The following NSD2 variants were observed in gnomAD, a reference collection of about 807,000 sequenced individuals.
NSD2 encodes nuclear receptor binding SET domain protein 2.
In NSD2, 12 loss-of-function variants were observed where a neutral mutation model predicts 139.0. The ratio of observed to expected loss-of-function variants is 0.09; its 90% CI spans 0.06 to 0.14. The LOEUF is 0.14. Among genes scored for constraint, NSD2 ranks in the 10% least tolerant of loss-of-function variants. The pLI is 1.00. For missense variants in NSD2, 1,155 were observed against 1,745.0 expected (o/e 0.66, Z 6.02); for synonymous variants, 669 against 648.7 (o/e 1.03, Z -0.48).
rs369908118 is a variant in NSD2 at position 1,939,632 on chromosome 4, A to G, written c.1757-22A>G. 4 of 1,613,002 alleles carry G rather than the reference A, an allele frequency of 2.5e-6. No homozygotes were observed. The African/African-American group carries it at 5.3e-5, about 22-fold the overall frequency. On this transcript the variant is annotated intron_variant, in intron 8 of 21. Transcript: ENST00000508803. Reference sequence around the variant, plus strand: ...TCAAGGGTTTATGATTTGAAACTTTACAAACCAAAATTATTTTACAGCAAC... The same window carrying G: ...TCAAGGGTTTATGATTTGAAACTTTGCAAACCAAAATTATTTTACAGCAAC...
chr4:1,879,646 C>G lies in NSD2; in HGVS notation c.-30+8104C>G, dbSNP rs114143061. Among the ~76,000 whole-genome samples the G allele has an allele frequency of 2.9e-3, 439 of 152,214 alleles. 2 individuals carry two copies. The highest frequency in any genetic ancestry group is 0.01 in the African/African-American group (417 of 41,544). On this transcript the variant is annotated intron_variant, in intron 1 of 21. Coordinates refer to ENST00000508803, the MANE Select transcript of NSD2 (RefSeq NM_001042424.3). ...TTGCTGTGAGATCTCATCATGCTGC[C>G]TGTAGCTCTTGTGATGAGCCGTGCC...
At chr4:1,909,094 G>A (rs1332462103) in intron 3 of NSD2, among the ~76,000 whole-genome samples, 1 of 151,878 alleles carries the variant, frequency 6.6e-6, no homozygotes, top group South Asian at 2.1e-4. Flanking sequence ...ATATATTTTA[G>A]TTCTTATTTT....
intron 3 of NSD2, among the ~76,000 whole-genome samples, chr4:1,916,661 T>G (rs1399696154): frequency 6.6e-6 from 1 of 152,214 alleles, no homozygotes; most frequent in Non-Finnish European, 1.5e-5. Flanking sequence ...TTCTTTCCCA[T>G]TCAATTTTGA....
chr4:1,882,495 C>T (rs1206298077), intron 1 of NSD2, among the ~76,000 whole-genome samples: 1 of 152,154 alleles, frequency 6.6e-6, no homozygotes, highest in Non-Finnish European at 1.5e-5. Context: ...AACCCCGTCT[C>T]TACTAAAAAC....
Position 1,943,246 on chromosome 4 carries a change from A to T in NSD2, c.1881+3468A>T. On this transcript the variant is annotated intron_variant, in intron 9 of 21. Transcript: ENST00000508803. The stretch of plus-strand genomic sequence containing the variant: ...GGTGTGCTATTCACAGTACCATGCG[A>T]GTAGCCCACAGTTAATTCCCGGCAG... 5 of 1,041,992 alleles carry T rather than the reference A, an allele frequency of 4.8e-6. No homozygotes were observed. The South Asian group carries it at 1.8e-4, about 38-fold the overall frequency. The allele number at this position is 1,041,992 out of a possible 1,614,324, so 64.5% of individuals were successfully genotyped here. A position where few individuals can be genotyped will look rare whatever the true frequency, so the allele number is the denominator to read the frequency against.
intron 18 of NSD2, among the ~76,000 whole-genome samples, chr4:1,970,975 C>G (rs1465370592): frequency 6.6e-6 from 1 of 152,222 alleles, no homozygotes; most frequent in Non-Finnish European, 1.5e-5. Context: ...AATGGGCTCG[C>G]TTACTTTTTA....
rs1404803959 is a variant in NSD2, at chr4:1,948,393, G to A, written c.1882-2679G>A. Reference sequence around the variant, plus strand: ...TGCCACCTCCACAAATGGCTTCTCCGAGTGAGTCACGTCACCTGGTGCGTG... The same window carrying A: ...TGCCACCTCCACAAATGGCTTCTCCAAGTGAGTCACGTCACCTGGTGCGTG... On this transcript the variant is annotated intron_variant, in intron 9 of 21. Coordinates refer to ENST00000508803, the MANE Select transcript of NSD2 (RefSeq NM_001042424.3). The surrounding 1 kb of genome is among the most constrained non-coding windows in gnomAD (Gnocchi z 4.5). The A allele has an allele frequency of 1.9e-6, 2 of 1,066,086 alleles. No individual in the cohort carries two copies. Among genetic ancestry groups the A allele is most frequent in the Non-Finnish European group, 2.3e-6 (2 of 878,892 alleles). The allele number at this position is 1,066,086 out of a possible 1,614,324, so 66.0% of individuals were successfully genotyped here.
chr4:1,975,462 C>CCCCCAAAGGTAAGG, intron 20 of NSD2, 62 bp downstream of exon 20: 2 of 1,464,910 alleles, frequency 1.4e-6, no homozygotes, highest in Non-Finnish European at 1.9e-6. Flanking sequence ...CTCCTGGAGA[C>CCCCCAAAGGTAAGG]CTGTGTCCCC....
chr4:1,896,825 C>A (rs531183832), intron 1 of NSD2, among the ~76,000 whole-genome samples: 1 of 136,370 alleles, frequency 7.3e-6, no homozygotes, highest in African/African-American at 2.7e-5. Context: ...TCTTTCTTTT[C>A]CTTTCTTCTC....
rs140212386 is a variant in NSD2 at position 1,918,346 on chromosome 4, G to A, written c.1133G>A (p.Gly378Glu). 1.2e-6 allele frequency: 2 copies of A among 1,613,964 alleles called. No individual in the cohort carries two copies. The highest frequency in any genetic ancestry group is 1.7e-6 in the Non-Finnish European group (2 of 1,180,034). The change falls in exon 5 of 22, where the codon GGA becomes GAA. Residue 378 changes from glycine to glutamate, a missense_variant. Around this residue, in one of 8 missense-constraint regions of NSD2, gnomAD observed 420 missense variants for 469.0 expected, o/e 0.90. Transcript: ENST00000508803. ...TTGGGAGAAATGGCAGAATCCTCAG[G>A]AGTCAGTGAAGAAGCTGCTGAAAAC... is the stretch of plus-strand genomic sequence containing the variant. ...ESLGEMAESSGVSEEAAENPK... is the reference protein window; with the variant it reads ...ESLGEMAESSEVSEEAAENPK...
intron 1 of NSD2, among the ~76,000 whole-genome samples, chr4:1,893,109 C>G (rs1447776837): frequency 6.6e-6 from 1 of 152,178 alleles, no homozygotes; most frequent in African/African-American, 2.4e-5. Flanking sequence ...ATCTCTAACT[C>G]TAATCCCTTC....
rs1032253796 is a variant in NSD2 at position 1,980,920 on chromosome 4, G to A, written c.*2011G>A. 1 of 233,092 alleles carries A rather than the reference G, an allele frequency of 4.3e-6. No individual in the cohort carries two copies. The highest frequency in any genetic ancestry group is 2.2e-5 in the African/African-American group (1 of 45,322). The allele number at this position is 233,092 out of a possible 1,614,324, so 14.4% of individuals were successfully genotyped here. Reference sequence around the variant, plus strand: ...GCCCTAACTTGGAAGGTTGTTCTAGGGACAGGCCGGGCAGTGTCCCCACAC... The same window carrying A: ...GCCCTAACTTGGAAGGTTGTTCTAGAGACAGGCCGGGCAGTGTCCCCACAC... On this transcript the variant is annotated 3_prime_UTR_variant, in exon 22 of 22. Transcript: ENST00000508803.
intron 9 of NSD2, among the ~76,000 whole-genome samples, chr4:1,949,695 C>T (rs541849442): frequency 2.7e-5 from 4 of 148,614 alleles, no homozygotes; most frequent in East Asian, 2.0e-4. Context: ...ACCCAGGAGG[C>T]GGAGTTTGCA....
intron 1 of NSD2, among the ~76,000 whole-genome samples, chr4:1,899,891 C>G (rs192210777): frequency 6.6e-6 from 1 of 152,326 alleles, no homozygotes; most frequent in East Asian, 1.9e-4. Flanking sequence ...TGTGACCTTA[C>G]TGCTGTGTTC....
intron 1 of NSD2, among the ~76,000 whole-genome samples, chr4:1,875,877 C>A (rs1159800488): frequency 6.7e-6 from 1 of 149,634 alleles, no homozygotes; most frequent in African/African-American, 2.5e-5. Context: ...CCACTGCACT[C>A]CAGCCTGGGA....
At chr4:1,872,600 G>GAGAGAGAGAGAGAC (rs1713915091) in intron 1 of NSD2, among the ~76,000 whole-genome samples, 5 of 118,206 alleles carry the variant, frequency 4.2e-5, no homozygotes, top group Non-Finnish European at 8.9e-5. Flanking sequence ...GTGAGAGAGA[G>GAGAGAGAGAGAGAC]AGAGAGAGAG....
In NSD2 at chr4:1,961,071, G is replaced by A. The variant is rs1255636324; in HGVS notation, c.3292G>A (p.Asp1098Asn). Residue 1098 changes from aspartate to asparagine, a missense_variant, in exon 18 of 22, where the codon GAC becomes AAC. Physicochemically the swap from Asp to Asn is conservative, Grantham distance 23. Transcript: ENST00000508803. ...FVNEYVGELIDEEECMARIKH... is the reference protein window; with the variant it reads ...FVNEYVGELINEEECMARIKH... ...TAACGAGTACGTTGGGGAGCTGATC[G>A]ACGAGGAGGAGTGCATGGCGAGAAT... 6 of 1,613,614 alleles carry A rather than the reference G, an allele frequency of 3.7e-6. No individual in the cohort carries two copies. The highest frequency in any genetic ancestry group is 5.1e-6 in the Non-Finnish European group (6 of 1,179,672).
intron 5 of NSD2, among the ~76,000 whole-genome samples, chr4:1,924,361 G>A (rs565518040): frequency 8.5e-5 from 13 of 152,096 alleles, no homozygotes; most frequent in African/African-American, 2.9e-4. Flanking sequence ...AGGCGGTGTC[G>A]GGTGGGAACC....
intron 1 of NSD2, among the ~76,000 whole-genome samples, chr4:1,874,033 C>T (rs1420533788): frequency 1.3e-5 from 2 of 152,170 alleles, no homozygotes; most frequent in South Asian, 2.1e-4. Flanking sequence ...TGGCTCTGCC[C>T]TGTCCTTTTT....
Sources: allele counts gnomAD v4.1 joint callset (sites outside exome capture counted in the v4.1 genomes callset), GRCh38; gene constraint gnomAD v4.1.1; regional missense constraint gnomAD v4.1.1; non-coding constraint Gnocchi (gnomAD v3.1); transcripts MANE v1.5; gene names NCBI Gene and HGNC (gene_info 2026-07-23, HGNC 2026-07-21).